ZC3H14: variants seen among roughly 807,000 people sequenced by gnomAD.
ZC3H14 encodes the protein zinc finger CCCH-type containing 14, also known as zinc finger CCCH domain-containing protein 14.
In ZC3H14, 31 loss-of-function variants were observed where a neutral mutation model predicts 92.4. The observed-to-expected ratio is 0.34, with a 90% CI of 0.25 to 0.45. The LOEUF (loss-of-function observed/expected upper bound fraction) is 0.45, where lower values mean the gene tolerates loss of function less well. ZC3H14 is among the 20% of genes least tolerant of loss of function. The probability of loss-of-function intolerance (pLI) is 1.00; values close to 1 mark genes in which losing one functional copy is unlikely to be tolerated. For missense variants in ZC3H14, 781 were observed against 897.3 expected (o/e 0.87, Z 1.66); for synonymous variants, 321 against 300.9 (o/e 1.07, Z -0.69).
intron 10 of ZC3H14, among the ~76,000 whole-genome samples, chr14:88,599,570 G>A (rs143356320): frequency 2.5e-4 from 38 of 152,222 alleles, no homozygotes; most frequent in Non-Finnish European, 4.7e-4. Flanking sequence ...CTCAACCCTG[G>A]AGCATGTTAC....
Position 88,618,723 on chromosome 14 carries a change from C to T in ZC3H14, c.*6972C>T, listed in dbSNP as rs776449831. On this transcript the variant is annotated 3_prime_UTR_variant, in exon 17 of 17. Transcript: ENST00000251038. ...TGGAATGTCTTTGCAGTAGCTGATT[C>T]TGTTAAGAGTGGGGCCCAGCGTTAG... 6.2e-7 allele frequency: 1 copy of T among 1,610,348 alleles called. No individual in the cohort carries two copies. The highest frequency in any genetic ancestry group is 2.2e-5 in the East Asian group (1 of 44,830).
At chr14:88,597,477 G>A (rs960156833) in intron 10 of ZC3H14, among the ~76,000 whole-genome samples, 1 of 152,122 alleles carries the variant, frequency 6.6e-6, no homozygotes, top group Non-Finnish European at 1.5e-5. Context: ...GTCTTTTGTG[G>A]GAAGCTCTGG....
At chr14:88,605,833 C>T (rs958143821) in intron 12 of ZC3H14, among the ~76,000 whole-genome samples, 1 of 152,174 alleles carries the variant, frequency 6.6e-6, no homozygotes, top group Non-Finnish European at 1.5e-5. Flanking sequence ...GCTGCTATTA[C>T]GACTGGTTGC....
At chr14:88,599,896 G>C (rs1042381864) in intron 10 of ZC3H14, among the ~76,000 whole-genome samples, 2 of 152,164 alleles carry the variant, frequency 1.3e-5, no homozygotes, top group Admixed American at 1.3e-4. Context: ...ACTTGGAGCT[G>C]CAAACAGTCA....
chr14:88,564,400 C>T (rs996648575), intron 2 of ZC3H14, among the ~76,000 whole-genome samples: 1 of 152,180 alleles, frequency 6.6e-6, no homozygotes, highest in Non-Finnish European at 1.5e-5. Context: ...GTGGCAGTAT[C>T]TTTGACTGTG....
intron 4 of ZC3H14, 108 bp downstream of exon 4, chr14:88,571,232 C>A: frequency 2.1e-6 from 2 of 960,512 alleles, no homozygotes; most frequent in South Asian, 3.8e-5. Context: ...CAAAACGGTT[C>A]ATTTGAACTT....
chr14:88,604,649 A>C (rs2085108444), intron 12 of ZC3H14, among the ~76,000 whole-genome samples: 1 of 149,588 alleles, frequency 6.7e-6, no homozygotes, highest in East Asian at 2.0e-4. Flanking sequence ...GCTGGAGTGC[A>C]ATGGAGCCAT....
At chr14:88,586,458 A>G (rs2139828486) in intron 9 of ZC3H14, 1 of 152,272 alleles carries the variant, frequency 6.6e-6, no homozygotes, top group African/African-American at 2.4e-5. Flanking sequence ...ACCCAAATCT[A>G]GGTTGTTAGT....
intron 6 of ZC3H14, chr14:88,574,141 C>T (rs1342840949): frequency 2.0e-5 from 3 of 152,756 alleles, no homozygotes; most frequent in East Asian, 3.9e-4. Context: ...TTATTAGTTT[C>T]CTCAATAGCA....
At chr14:88,597,609 G>A (rs2084021367) in intron 10 of ZC3H14, among the ~76,000 whole-genome samples, 1 of 152,162 alleles carries the variant, frequency 6.6e-6, no homozygotes, top group Non-Finnish European at 1.5e-5. Flanking sequence ...CCAGAGGCCA[G>A]ATCCCACTGG....
chr14:88,596,601 A>C (rs1207283977), intron 9 of ZC3H14, 133 bp from the exon 10 acceptor site: 5 of 768,980 alleles, frequency 6.5e-6, no homozygotes, highest in Non-Finnish European at 1.1e-5. Context: ...AAATACTATT[A>C]AATTGAATTG....
At chr14:88,567,817 G>C in intron 2 of ZC3H14, 1 of 585,374 alleles carries the variant, frequency 1.7e-6, no homozygotes, top group South Asian at 1.6e-5. Context: ...AGAATGTTTA[G>C]TTTTGTAAGT....
chr14:88,614,959 AAT>A lies in ZC3H14; in HGVS notation c.*3209_*3210del, dbSNP rs1202063655. 5 of 151,846 alleles carry A rather than the reference AAT, an allele frequency of 3.3e-5. No homozygotes were observed. 9.4% of individuals were successfully genotyped at this position (151,846 alleles called of 1,614,324 possible). A position where few individuals can be genotyped will look rare whatever the true frequency, so the allele number is the denominator to read the frequency against. On this transcript the variant is annotated 3_prime_UTR_variant, in exon 17 of 17. Coordinates refer to ENST00000251038, the MANE Select transcript of ZC3H14 (RefSeq NM_024824.5). ...AACACTTTTGTTTACATGTTAAACAAATGTGTATATATTAGACTACATTAAAT... is the reference window on the plus strand; with the variant it reads ...AACACTTTTGTTTACATGTTAAACAAGTGTATATATTAGACTACATTAAAT...
At chr14:88,574,981 G>A in intron 7 of ZC3H14, 128 bp downstream of exon 7, 1 of 1,423,034 alleles carries the variant, frequency 7.0e-7, no homozygotes, top group Middle Eastern at 2.0e-4. Context: ...CTGTCAACCA[G>A]GCTGGAGTGC....
rs1332223961 is a variant in ZC3H14, at chr14:88,574,767, A to G, written c.936A>G (p.Gly312=). The G allele has an allele frequency of 6.2e-7, 1 of 1,614,116 alleles. No homozygotes were observed. The highest frequency in any genetic ancestry group is 8.5e-7 in the Non-Finnish European group (1 of 1,180,018). The change falls in exon 7 of 17, where the codon GGA becomes GGG. Residue 312 remains glycine (G), a synonymous_variant. Coordinates refer to ENST00000251038, the MANE Select transcript of ZC3H14 (RefSeq NM_024824.5). ...VVKVKKFNHD[G]EEEEEDDDYG... is the part of the protein sequence containing the mutation. ...AAGTAAAAAAATTCAATCATGATGG[A>G]GAAGAGGAGGAAGAAGATGATGATT... is the stretch of plus-strand genomic sequence containing the variant.
rs952733773 is a variant in ZC3H14 at position 88,618,947 on chromosome 14, A to G, written c.*7196A>G. 18 of 762,174 alleles carry G rather than the reference A, an allele frequency of 2.4e-5. No individual in the cohort carries two copies. Among genetic ancestry groups the G allele is most frequent in the Admixed American group, 2.1e-4 (7 of 32,826 alleles). 47.2% of individuals were successfully genotyped at this position (762,174 alleles called of 1,614,324 possible). A position where few individuals can be genotyped will look rare whatever the true frequency, so the allele number is the denominator to read the frequency against. On this transcript the variant is annotated 3_prime_UTR_variant, in exon 17 of 17. Transcript: ENST00000251038. The stretch of plus-strand genomic sequence containing the variant: ...CAAATAGATTTACCTGTCAGACACA[A>G]CTGATCATGTATACTGAGATTGTCT...
At chr14:88,605,753 G>A (rs1302558213) in intron 12 of ZC3H14, among the ~76,000 whole-genome samples, 1 of 152,186 alleles carries the variant, frequency 6.6e-6, no homozygotes, top group Non-Finnish European at 1.5e-5. Flanking sequence ...ACATTTGTGT[G>A]CCTTGTTCTC....
chr14:88,572,500 T>C (rs2080564861), intron 5 of ZC3H14, 78 bp from the exon 6 acceptor site: 1 of 1,565,866 alleles, frequency 6.4e-7, no homozygotes, highest in Non-Finnish European at 8.8e-7. Flanking sequence ...TTGAAATTTT[T>C]CAAGTAAACA....
At chr14:88,563,421 C>A in intron 1 of ZC3H14, 1 of 1,427,630 alleles carries the variant, frequency 7.0e-7, no homozygotes, top group Non-Finnish European at 9.1e-7. Context: ...GCCACCACCG[C>A]GGCGCACGGC....
Sources: allele counts gnomAD v4.1 joint callset (sites outside exome capture counted in the v4.1 genomes callset), GRCh38; gene constraint gnomAD v4.1.1; transcripts MANE v1.5; gene names NCBI Gene and HGNC (gene_info 2026-07-23, HGNC 2026-07-21).